Variants in METTL14 observed in about 807,000 individuals in gnomAD.
METTL14 encodes the protein methyltransferase 14, N6-adenosine-methyltransferase non-catalytic subunit.
A neutral mutation model predicts 62.4 loss-of-function variants in METTL14; 32 were observed. The observed-to-expected ratio is 0.51, with a 90% confidence interval of 0.39 to 0.69. The LOEUF (loss-of-function observed/expected upper bound fraction) is 0.69. METTL14 is among the 30% of genes least tolerant of loss of function. The pLI is 0.00. For synonymous variants in METTL14, 150 were observed against 180.0 expected (o/e 0.83, Z 1.34); for missense variants, 340 against 551.9 (o/e 0.62, Z 3.85).
intron 7 of METTL14, 151 bp downstream of exon 7, chr4:118,697,474 G>T: frequency 1.6e-6 from 1 of 639,630 alleles, no homozygotes; most frequent in Non-Finnish European, 2.4e-6. Flanking sequence ...AAGGTCCAAG[G>T]TACATTGACT....
chr4:118,701,001 T>C (rs1044057528), intron 8 of METTL14, among the ~76,000 whole-genome samples: 4 of 152,062 alleles, frequency 2.6e-5, no homozygotes, highest in Non-Finnish European at 5.9e-5. Context: ...CTAAAAGTAT[T>C]CAGGAGCATT....
chr4:118,706,230 A>G (rs1238854874), intron 10 of METTL14, among the ~76,000 whole-genome samples: 1 of 152,182 alleles, frequency 6.6e-6, no homozygotes, highest in Non-Finnish European at 1.5e-5. Flanking sequence ...CACGGCCCTA[A>G]AAATCCTCTG....
At chr4:118,709,953 G>T in intron 10 of METTL14, 45 bp from the exon 11 acceptor site, 1 of 1,526,988 alleles carries the variant, frequency 6.5e-7, no homozygotes. Context: ...ATTAATAAGA[G>T]AGAATTGCAA....
chr4:118,691,615 AAAAT>A lies in METTL14; in HGVS notation c.324+10_324+13del. On this transcript the variant is annotated splice_donor_5th_base_variant and intron_variant, in intron 4 of 10. Transcript: ENST00000388822. The stretch of plus-strand genomic sequence containing the variant: ...AAGATTCTAGTACTTTTCTTAAGGT[AAAAT>A]AAATAATTTTCAAATTTTGTAACTC... 7.0e-7 allele frequency: 1 copy of A among 1,421,802 alleles called. No homozygotes were observed. The highest frequency in any genetic ancestry group is 9.5e-7 in the Non-Finnish European group (1 of 1,048,878). The allele number at this position is 1,421,802 out of a possible 1,614,324, so 88.1% of individuals were successfully genotyped here.
At position 118,700,482 on chromosome 4, in the gene METTL14, G is replaced by T. The variant is rs187530700; in HGVS notation, c.646-68G>T. ...TCTATCCTAATAAATCTTAATTGTT[G>T]TTCTTTTGGATTTAGGATGAATGGG... is the stretch of plus-strand genomic sequence containing the variant. On this transcript the variant is annotated intron_variant, in intron 7 of 10. Coordinates refer to ENST00000388822, the MANE Select transcript of METTL14 (RefSeq NM_020961.4). The T allele has an allele frequency of 3.2e-5, 40 of 1,252,604 alleles. No homozygotes were observed. The African/African-American group carries it at 5.3e-4, about 17-fold the overall frequency. 77.6% of individuals were successfully genotyped at this position (1,252,604 alleles called of 1,614,324 possible). A position where few individuals can be genotyped will look rare whatever the true frequency, so the allele number is the denominator to read the frequency against.
chr4:118,698,831 C>G (rs929816940), intron 7 of METTL14, among the ~76,000 whole-genome samples: 2 of 152,148 alleles, frequency 1.3e-5, no homozygotes, highest in South Asian at 2.1e-4. Flanking sequence ...TAAGGACAGG[C>G]AGATCTGGTT....
At chr4:118,701,183 G>T (rs10213473) in intron 8 of METTL14, among the ~76,000 whole-genome samples, 3,250 of 131,692 alleles carry the variant, frequency 0.025, 150 homozygotes, top group African/African-American at 0.086. Flanking sequence ...GTTTTTTTTT[G>T]TTTTTTTTTG....
chr4:118,694,357 G>A, intron 5 of METTL14, 79 bp from the exon 6 acceptor site: 1 of 1,056,000 alleles, frequency 9.5e-7, no homozygotes, highest in East Asian at 2.5e-5. Flanking sequence ...TTGTTTTCTT[G>A]GGAGGGCTCA....
chr4:118,706,516 G>A (rs1724759899), intron 10 of METTL14, among the ~76,000 whole-genome samples: 1 of 152,144 alleles, frequency 6.6e-6, no homozygotes, highest in African/African-American at 2.4e-5. Flanking sequence ...TCCAAGTTTT[G>A]GCAATTATGA....
intron 10 of METTL14, 29 bp downstream of exon 10, chr4:118,705,850 T>C (rs983961254): frequency 3.9e-6 from 6 of 1,549,134 alleles, no homozygotes; most frequent in Non-Finnish European, 4.4e-6. Context: ...ACAACTTTTA[T>C]GATTCTTTGG....
intron 7 of METTL14, among the ~76,000 whole-genome samples, chr4:118,698,003 G>A (rs1724467236): frequency 6.6e-6 from 1 of 152,150 alleles, no homozygotes; most frequent in South Asian, 2.1e-4. Flanking sequence ...CTGTATGTAG[G>A]TTGGTATTGT....
At chr4:118,707,067 A>G (rs1045749499) in intron 10 of METTL14, among the ~76,000 whole-genome samples, 1 of 151,796 alleles carries the variant, frequency 6.6e-6, no homozygotes, top group African/African-American at 2.4e-5. Context: ...TTTTTATTTA[A>G]TTACTTTCTG....
At chr4:118,700,941 G>C (rs568897754) in intron 8 of METTL14, among the ~76,000 whole-genome samples, 1 of 152,130 alleles carries the variant, frequency 6.6e-6, no homozygotes, top group South Asian at 2.1e-4. Flanking sequence ...TGAGCTGCTT[G>C]GTATCATTTA....
chr4:118,697,524 CA>C (rs1464159301), intron 7 of METTL14, among the ~76,000 whole-genome samples: 1 of 151,850 alleles, frequency 6.6e-6, no homozygotes, highest in Non-Finnish European at 1.5e-5. Flanking sequence ...CTTTTCAAGG[CA>C]AAAATTGAGC....
intron 10 of METTL14, among the ~76,000 whole-genome samples, chr4:118,707,838 ATTT>A (rs752501219): frequency 4.2e-5 from 6 of 141,836 alleles, no homozygotes; most frequent in Admixed American, 7.1e-5. Context: ...AAGCCAGACA[ATTT>A]TTTTTTTTTT....
At chr4:118,708,598 TG>T (rs1333847291) in intron 10 of METTL14, among the ~76,000 whole-genome samples, 1 of 151,590 alleles carries the variant, frequency 6.6e-6, no homozygotes, top group Non-Finnish European at 1.5e-5. Context: ...AAACTAAAAA[TG>T]TTTTAAAAAA....
intron 1 of METTL14, chr4:118,686,828 A>G: frequency 3.3e-6 from 1 of 304,852 alleles, no homozygotes; most frequent in Non-Finnish European, 6.5e-6. Context: ...AGCAGATGCC[A>G]GGGGCTCTAC....
chr4:118,701,172 A>AT (rs1724575968), intron 8 of METTL14, among the ~76,000 whole-genome samples: 2 of 137,380 alleles, frequency 1.5e-5, no homozygotes, highest in Admixed American at 7.1e-5. Flanking sequence ...TTTTTATTGG[A>AT]GTTTTTTTTT....
chr4:118,702,459 T>C (rs569822762), intron 8 of METTL14, among the ~76,000 whole-genome samples: 4 of 152,220 alleles, frequency 2.6e-5, no homozygotes, highest in South Asian at 2.1e-4. Context: ...GGAACAGATA[T>C]TGATCTTGAT....
Sources: allele counts gnomAD v4.1 joint callset (sites outside exome capture counted in the v4.1 genomes callset), GRCh38; gene constraint gnomAD v4.1.1; transcripts MANE v1.5; gene names NCBI Gene and HGNC (gene_info 2026-07-23, HGNC 2026-07-21).